Variants in ATRNL1 observed in about 807,000 individuals in gnomAD.
ATRNL1 encodes attractin like 1, also known as attractin-like protein 1.
In ATRNL1, 95 loss-of-function variants were observed where a neutral mutation model predicts 182.7. That is an observed-to-expected ratio of 0.52 (90% CI 0.44 to 0.62). The LOEUF is 0.62. Ranked by LOEUF, ATRNL1 falls within the 20% of genes least tolerant of loss-of-function variation. The pLI is 0.00. For synonymous variants in ATRNL1, 576 were observed against 568.3 expected (o/e 1.01, Z -0.19); for missense variants, 1,471 against 1,679.5 (o/e 0.88, Z 2.17).
intron 26 of ATRNL1, among the ~76,000 whole-genome samples, chr10:115,703,979 T>C (rs550655057): frequency 6.6e-6 from 1 of 151,956 alleles, no homozygotes; most frequent in African/African-American, 2.4e-5. Flanking sequence ...GACAACTGAC[T>C]GTGGAAAAAA....
chr10:115,375,881 G>C lies in ATRNL1; in HGVS notation c.3176-18778G>C, dbSNP rs568690398. On this transcript the variant is annotated intron_variant, in intron 19 of 28. Coordinates refer to ENST00000355044, the MANE Select transcript of ATRNL1 (RefSeq NM_207303.4). ...AAGTGATTTATATACCACTGTTACT[G>C]TATTACTGTATTCTGAATTTGACTA... Among the ~76,000 whole-genome samples, 4 of 152,020 alleles carry C rather than the reference G, an allele frequency of 2.6e-5. No individual in the cohort carries two copies. The South Asian group carries it at 8.3e-4, about 32-fold the overall frequency.
At chr10:115,277,060 AT>A (rs1276169921) in intron 13 of ATRNL1, among the ~76,000 whole-genome samples, 3 of 151,976 alleles carry the variant, frequency 2.0e-5, no homozygotes, top group African/African-American at 7.2e-5. Flanking sequence ...CTTCAGGTAA[AT>A]TTAATTATTT....
In ATRNL1 at chr10:115,127,728, AT is replaced by A. The variant is rs782162083; in HGVS notation, c.620+13del. 2 of 1,399,206 alleles carry A rather than the reference AT, an allele frequency of 1.4e-6. No individual in the cohort carries two copies. The highest frequency in any genetic ancestry group is 1.9e-6 in the Non-Finnish European group (2 of 1,066,106). 86.7% of individuals were successfully genotyped at this position (1,399,206 alleles called of 1,614,324 possible). Reference sequence around the variant, plus strand: ...GTTTCAACATTTTCTATTCGTAAGTATTTTTTAAAAATTCCTTCTTTTAATG... The same window carrying A: ...GTTTCAACATTTTCTATTCGTAAGTATTTTTAAAAATTCCTTCTTTTAATG... On this transcript the variant is annotated splice_region_variant and intron_variant, in intron 4 of 28. Coordinates refer to ENST00000355044, the MANE Select transcript of ATRNL1 (RefSeq NM_207303.4).
At chr10:115,439,109 G>T (rs782750573) in intron 21 of ATRNL1, among the ~76,000 whole-genome samples, 75 of 151,888 alleles carry the variant, frequency 4.9e-4, no homozygotes, top group Non-Finnish European at 9.0e-4. Flanking sequence ...ATAAGGAAGA[G>T]AAAATATATT....
intron 21 of ATRNL1, among the ~76,000 whole-genome samples, chr10:115,432,609 T>A (rs1031555184): frequency 6.6e-6 from 1 of 152,158 alleles, no homozygotes; most frequent in Non-Finnish European, 1.5e-5. Context: ...AAGTGATATG[T>A]CAGCAGTTGT....
chr10:115,464,819 T>C (rs1311398529), intron 22 of ATRNL1, among the ~76,000 whole-genome samples: 1 of 148,082 alleles, frequency 6.8e-6, no homozygotes, highest in Admixed American at 6.7e-5. Context: ...AAAAGTGACT[T>C]TTTGGATCCG....
chr10:115,941,097 G>A (rs1177708032), intron 28 of ATRNL1, among the ~76,000 whole-genome samples: 1 of 152,170 alleles, frequency 6.6e-6, no homozygotes, highest in Non-Finnish European at 1.5e-5. Flanking sequence ...CTCTGTGAGT[G>A]CACCACGGCG....
intron 24 of ATRNL1, among the ~76,000 whole-genome samples, chr10:115,512,122 C>T (rs17802400): frequency 0.41 from 61,448 of 151,652 alleles, 13,437 homozygotes; most frequent in Middle Eastern, 0.53. Context: ...AAATGGAAAA[C>T]GTTATTTGCA....
intron 24 of ATRNL1, among the ~76,000 whole-genome samples, chr10:115,498,021 A>G (rs560637102): frequency 1.3e-5 from 2 of 152,312 alleles, no homozygotes; most frequent in African/African-American, 4.8e-5. Flanking sequence ...CTCATTAGAA[A>G]GAGTCTTCTC....
chr10:115,848,299 C>G (rs1243060937), intron 28 of ATRNL1, among the ~76,000 whole-genome samples: 2 of 152,248 alleles, frequency 1.3e-5, no homozygotes, highest in Admixed American at 1.3e-4. Context: ...AGAAGGGCCA[C>G]CATGTTCTAG....
chr10:115,613,156 G>C (rs909279953), intron 26 of ATRNL1, among the ~76,000 whole-genome samples: 2 of 152,278 alleles, frequency 1.3e-5, no homozygotes, highest in South Asian at 4.1e-4. Flanking sequence ...TAGTTCCAAA[G>C]GTGTTGGCTA....
chr10:115,871,484 T>TAG (rs1555106112), intron 28 of ATRNL1, among the ~76,000 whole-genome samples: 1 of 132,290 alleles, frequency 7.6e-6, no homozygotes, highest in East Asian at 2.0e-4. Flanking sequence ...TGTGTGTATA[T>TAG]ATATATATAT....
intron 5 of ATRNL1, among the ~76,000 whole-genome samples, chr10:115,143,069 G>T (rs902666670): frequency 1.2e-4 from 18 of 152,106 alleles, no homozygotes; most frequent in African/African-American, 4.3e-4. Context: ...ATATAAATTT[G>T]GAGGTGTTCG....
At chr10:115,712,024 CA>C (rs1947077872) in intron 26 of ATRNL1, among the ~76,000 whole-genome samples, 1 of 152,016 alleles carries the variant, frequency 6.6e-6, no homozygotes, top group African/African-American at 2.4e-5. Context: ...AAATAAATTC[CA>C]AAACCATTCT....
At chr10:115,622,668 T>A (rs1471772819) in intron 26 of ATRNL1, among the ~76,000 whole-genome samples, 1 of 73,674 alleles carries the variant, frequency 1.4e-5, no homozygotes, top group African/African-American at 4.4e-5. Flanking sequence ...GGCTCACGCC[T>A]TGTAATCCAA....
At chr10:115,377,276 A>C (rs545463542) in intron 19 of ATRNL1, among the ~76,000 whole-genome samples, 38 of 152,212 alleles carry the variant, frequency 2.5e-4, no homozygotes, top group African/African-American at 8.9e-4. Context: ...GGTAGTGAAT[A>C]AGTCTCACGA....
chr10:115,123,166 T>G (rs1554872253), intron 3 of ATRNL1, among the ~76,000 whole-genome samples: 1 of 152,238 alleles, frequency 6.6e-6, no homozygotes, highest in East Asian at 1.9e-4. Flanking sequence ...GATTTCTCAT[T>G]AGCAAGTGTT....
At chr10:115,365,820 G>A (rs1554945768) in intron 19 of ATRNL1, among the ~76,000 whole-genome samples, 1 of 152,134 alleles carries the variant, frequency 6.6e-6, no homozygotes, top group African/African-American at 2.4e-5. Context: ...TTTCCATGTA[G>A]TTGAGCGATT....
At chr10:115,262,034 G>C (rs1475415578) in intron 10 of ATRNL1, among the ~76,000 whole-genome samples, 2 of 151,998 alleles carry the variant, frequency 1.3e-5, no homozygotes, top group Admixed American at 6.6e-5. Context: ...TCTGAAACTG[G>C]GAACTAGGCA....
Sources: allele counts gnomAD v4.1 joint callset (sites outside exome capture counted in the v4.1 genomes callset), GRCh38; gene constraint gnomAD v4.1.1; transcripts MANE v1.5; gene names NCBI Gene and HGNC (gene_info 2026-07-23, HGNC 2026-07-21).